MCM3AP: variants seen among roughly 807,000 people sequenced by gnomAD.
MCM3AP encodes the protein minichromosome maintenance complex component 3 associated protein.
Under a neutral mutation model 184.1 loss-of-function variants are expected in MCM3AP, and 126 were observed. The observed-to-expected ratio is 0.68, with a 90% CI of 0.59 to 0.79. The LOEUF is 0.79. MCM3AP is among the 30% of genes least tolerant of loss of function. The probability of loss-of-function intolerance (pLI) is 0.00; values close to 1 mark genes in which losing one functional copy is unlikely to be tolerated. For missense variants in MCM3AP, 2,496 were observed against 2,479.2 expected (o/e 1.01, Z -0.14); for synonymous variants, 1,002 against 979.3 (o/e 1.02, Z -0.43).
Position 46,244,852 on chromosome 21 carries a change from C to T in MCM3AP, c.4993G>A (p.Val1665Met). Residue 1665 changes from valine (V) to methionine (M), a missense_variant, in exon 23 of 28, where the codon GTG (valine) becomes ATG (methionine). Around this residue, in one of 5 missense-constraint regions of MCM3AP, gnomAD observed 1,323 missense variants for 1,273.4 expected, o/e 1.04. Coordinates refer to ENST00000291688, the MANE Select transcript of MCM3AP (RefSeq NM_003906.5). Reference sequence around the variant, plus strand: ...ATCTGCGGAAGCTGGAACCCGAGCACAGCCTGCTTCAGCCAGGCCAGGTGC... The same window carrying T: ...ATCTGCGGAAGCTGGAACCCGAGCATAGCCTGCTTCAGCCAGGCCAGGTGC... The part of the protein sequence containing the change: ...PEHLAWLKQA[V>M]LGFQLPQMDL... 6.2e-7 allele frequency: 1 copy of T among 1,614,190 alleles called. No individual in the cohort carries two copies. Among genetic ancestry groups the T allele is most frequent in the Non-Finnish European group, 8.5e-7 (1 of 1,180,018 alleles).
chr21:46,270,312 C>T (rs2081163704), intron 9 of MCM3AP, 89 bp downstream of exon 9: 1 of 1,332,088 alleles, frequency 7.5e-7, no homozygotes, highest in Non-Finnish European at 1.0e-6. Flanking sequence ...CTGAGACCTC[C>T]TTTGAAAAGC....
intron 6 of MCM3AP, 112 bp from the exon 7 acceptor site, chr21:46,273,697 T>G: frequency 1.4e-6 from 1 of 705,302 alleles, no homozygotes; most frequent in Non-Finnish European, 2.4e-6. Flanking sequence ...AGATCAGTAT[T>G]TGAGAATATA....
At chr21:46,265,886 T>G in intron 11 of MCM3AP, 39 bp downstream of exon 11, 1 of 1,505,768 alleles carries the variant, frequency 6.6e-7, no homozygotes, top group Non-Finnish European at 8.9e-7. Flanking sequence ...GGTGGGAAAA[T>G]GCAGCTAGTC....
intron 20 of MCM3AP, chr21:46,247,156 G>A (rs150402558): frequency 1.1e-4 from 43 of 400,242 alleles, no homozygotes; most frequent in African/African-American, 8.5e-4. Context: ...GTCTTATTAT[G>A]TTGCCCAGGC....
At position 46,236,836 on chromosome 21, in the gene MCM3AP, C is replaced by A; in HGVS notation, c.5777G>T (p.Ser1926Ile). The A allele has an allele frequency of 1.3e-6, 2 of 1,551,830 alleles. No homozygotes were observed. The highest frequency in any genetic ancestry group is 1.7e-6 in the Non-Finnish European group (2 of 1,156,628). ...TGTATACGTTCTTCTCACCTGTGGG[C>A]TAGTAGTTACAGATGTTTTCATCAC... is the stretch of plus-strand genomic sequence containing the variant. ...EPVMKTSVTT[S>I]PQSDMMREQL... is the part of the protein sequence containing the mutation. The change falls in exon 27 of 28, where the codon AGC becomes ATC. Residue 1926 changes from serine to isoleucine, a missense_variant. Physicochemically the swap from Ser to Ile is moderately radical, Grantham distance 142 (BLOSUM62 -2). Coordinates refer to ENST00000291688, the MANE Select transcript of MCM3AP (RefSeq NM_003906.5).
intron 4 of MCM3AP, among the ~76,000 whole-genome samples, chr21:46,278,007 C>T (rs1443554880): frequency 1.3e-5 from 2 of 151,852 alleles, no homozygotes; most frequent in Non-Finnish European, 2.9e-5. Context: ...AAAAATTAGC[C>T]GGGCATGGTG....
chr21:46,244,895 C>G lies in MCM3AP; in HGVS notation c.4950G>C (p.Leu1650=). Residue 1650 remains leucine (L), a synonymous_variant, in exon 23 of 28, where the codon CTG becomes CTC. Transcript: ENST00000291688. ...EAGGSRLLPH[L]HWNAPEHLAW... is the part of the protein sequence containing the mutation. The stretch of plus-strand genomic sequence containing the variant: ...CCAGGTGCTCTGGGGCATTCCAGTG[C>G]AGGTGAGGAAGCAGCCGGCTGCCCC... 6.2e-7 allele frequency: 1 copy of G among 1,614,196 alleles called. No individual in the cohort carries two copies. Among genetic ancestry groups the G allele is most frequent in the Non-Finnish European group, 8.5e-7 (1 of 1,180,030 alleles).
In MCM3AP at chr21:46,280,576, C is replaced by T; in HGVS notation, c.1444-1G>A. ...TCTTTCTAGCCAGGGCTGCAGATGCCTGGAAAACAGTCCACAACCGCCATG... is the reference window on the plus strand; with the variant it reads ...TCTTTCTAGCCAGGGCTGCAGATGCTTGGAAAACAGTCCACAACCGCCATG... On this transcript the variant is annotated splice_acceptor_variant, in intron 2 of 27. Coordinates refer to ENST00000291688, the MANE Select transcript of MCM3AP (RefSeq NM_003906.5). LOFTEE classifies it high-confidence loss of function. 1 of 1,608,656 alleles carries T rather than the reference C, an allele frequency of 6.2e-7. No individual in the cohort carries two copies. Among genetic ancestry groups the T allele is most frequent in the Non-Finnish European group, 8.5e-7 (1 of 1,175,932 alleles).
chr21:46,235,474 C>A, intron 27 of MCM3AP, 48 bp from the exon 28 acceptor site: 1 of 1,508,370 alleles, frequency 6.6e-7, no homozygotes, highest in Admixed American at 1.7e-5. Context: ...GTCAATAAAC[C>A]ACGACCTATC....
intron 20 of MCM3AP, chr21:46,249,553 G>A (rs747149900): frequency 5.6e-5 from 25 of 445,206 alleles, no homozygotes; most frequent in South Asian, 3.9e-4. Context: ...ATGTCAGAAT[G>A]AAATAAATGC....
chr21:46,257,334 G>C (rs1295779159), intron 16 of MCM3AP, among the ~76,000 whole-genome samples: 1 of 151,910 alleles, frequency 6.6e-6, no homozygotes, highest in Non-Finnish European at 1.5e-5. Flanking sequence ...AATTAGCCGG[G>C]CATGGTGGTG....
chr21:46,246,876 C>G lies in MCM3AP; in HGVS notation c.4301G>C (p.Gly1434Ala). The part of the protein sequence containing the change: ...SVNVCIKVAH[G>A]ALSDGAIDAV... ...ATCAATGGCACCATCACTGAGGGCG[C>G]CATGGGCCACCTGCAACAGCATCAA... Residue 1434 changes from glycine to alanine, a missense_variant, in exon 21 of 28, where the codon GGC becomes GCC. Physicochemically the swap from Gly to Ala is moderately conservative, Grantham distance 60. Transcript: ENST00000291688. The G allele has an allele frequency of 6.2e-7, 1 of 1,613,638 alleles. No individual in the cohort carries two copies. The highest frequency in any genetic ancestry group is 1.7e-4 in the Middle Eastern group (1 of 6,058).
chr21:46,270,386 A>G lies in MCM3AP; in HGVS notation c.2628+15T>C. The G allele has an allele frequency of 6.2e-7, 1 of 1,602,482 alleles. No individual in the cohort carries two copies. The highest frequency in any genetic ancestry group is 8.5e-7 in the Non-Finnish European group (1 of 1,175,298). ...TGCTTTCTTCCAACTCTGCAAGCACAGCTCATTTACTCACCTGACTGAAGT... is the reference window on the plus strand; with the variant it reads ...TGCTTTCTTCCAACTCTGCAAGCACGGCTCATTTACTCACCTGACTGAAGT... On this transcript the variant is annotated intron_variant, in intron 9 of 27. Coordinates refer to ENST00000291688, the MANE Select transcript of MCM3AP (RefSeq NM_003906.5).
At position 46,265,310 on chromosome 21, in the gene MCM3AP, A is replaced by C; in HGVS notation, c.3234+11T>G. On this transcript the variant is annotated intron_variant, in intron 12 of 27. Coordinates refer to ENST00000291688, the MANE Select transcript of MCM3AP (RefSeq NM_003906.5). ...TCCCAGAGTCCAGACCTAGAAAAAA[A>C]GAGTCCCTACCTCGTCAGAGTACAT... 6.2e-7 allele frequency: 1 copy of C among 1,612,948 alleles called. No individual in the cohort carries two copies. Among genetic ancestry groups the C allele is most frequent in the Non-Finnish European group, 8.5e-7 (1 of 1,179,338 alleles).
Position 46,265,498 on chromosome 21 carries a change from A to C in MCM3AP, c.3057T>G (p.Gly1019=), listed in dbSNP as rs774625699. ...TVGGGRGEEC[G]VEPDAPLSSL... Reference sequence around the variant, plus strand: ...TGGACAGGGGTGCATCCGGCTCTACACCACACTCCTCTCCTCTCCCTCCGC... The same window carrying C: ...TGGACAGGGGTGCATCCGGCTCTACCCCACACTCCTCTCCTCTCCCTCCGC... The change falls in exon 12 of 28, where the codon GGT becomes GGG. Residue 1019 remains glycine, a synonymous_variant. Coordinates refer to ENST00000291688, the MANE Select transcript of MCM3AP (RefSeq NM_003906.5). 5 of 1,607,744 alleles carry C rather than the reference A, an allele frequency of 3.1e-6. No individual in the cohort carries two copies.
At position 46,243,500 on chromosome 21, in the gene MCM3AP, C is replaced by T. The variant is rs921982874; in HGVS notation, c.5261G>A (p.Arg1754Lys). ...AGGAAGCCGGGGGGGCGTCCAGTCT[C>T]TCAGCTTGTGGTTGATACACAAGGC... is the stretch of plus-strand genomic sequence containing the variant. Reference protein sequence around the residue: ...LIALCINHKLRDWTPPRLPVT... With the variant: ...LIALCINHKLKDWTPPRLPVT... The change falls in exon 24 of 28, where the codon AGA becomes AAA. Residue 1754 changes from arginine to lysine, a missense_variant. This residue lies in a region of MCM3AP where 1,323 missense variants were observed against 1,273.4 expected (regional missense o/e 1.04). Transcript: ENST00000291688. 2 of 1,613,700 alleles carry T rather than the reference C, an allele frequency of 1.2e-6. No homozygotes were observed. The highest frequency in any genetic ancestry group is 2.2e-5 in the East Asian group (1 of 44,874).
Position 46,283,721 on chromosome 21 carries a change from A to C in MCM3AP, c.1337T>G (p.Leu446Arg). 1 of 1,613,864 alleles carries C rather than the reference A, an allele frequency of 6.2e-7. No homozygotes were observed. The highest frequency in any genetic ancestry group is 8.5e-7 in the Non-Finnish European group (1 of 1,179,752). Residue 446 changes from leucine (L) to arginine (R), a missense_variant, in exon 2 of 28, where the codon CTC (leucine) becomes CGC (arginine). This residue lies in a region of MCM3AP where 800 missense variants were observed against 717.1 expected (regional missense o/e 1.12). Coordinates refer to ENST00000291688, the MANE Select transcript of MCM3AP (RefSeq NM_003906.5). ...AIQCKNIPDY[L>R]NDRTILENHF... ...GTTCTCCAGAATGGTCCTGTCGTTG[A>C]GGTAGTCAGGGATGTTCTTGCACTG...
At chr21:46,237,032 A>G (rs2080545026) in intron 26 of MCM3AP, 53 bp from the exon 27 acceptor site, 2 of 1,128,612 alleles carry the variant, frequency 1.8e-6, no homozygotes, top group Admixed American at 3.0e-5. Context: ...GAAGTTAACT[A>G]TTGTTCATTA....
chr21:46,277,396 GAC>G, intron 5 of MCM3AP, 129 bp downstream of exon 5: 1 of 605,398 alleles, frequency 1.7e-6, no homozygotes, highest in Non-Finnish European at 2.8e-6. Context: ...ATGAAGATCA[GAC>G]ACAGCATATC....
Sources: gnomAD v4.1 joint callset for allele counts (sites outside exome capture counted in the v4.1 genomes callset) on GRCh38, gnomAD v4.1.1 for gene constraint, gnomAD v4.1.1 regional missense constraint, MANE v1.5 for transcripts, NCBI Gene and HGNC (gene_info 2026-07-23, HGNC 2026-07-21) for gene names.